The following CATSPERG variants were observed in gnomAD, a reference collection of about 807,000 sequenced individuals.
The protein encoded by CATSPERG is cation channel sperm-associated auxiliary subunit gamma.
A neutral mutation model predicts 145.0 loss-of-function variants in CATSPERG; 115 were observed. The observed-to-expected ratio is 0.79, with a 90% confidence interval of 0.68 to 0.93. The LOEUF is 0.93. CATSPERG is among the 40% of genes least tolerant of loss of function. CATSPERG has a pLI of 0.00. For missense variants in CATSPERG, 1,296 were observed against 1,490.1 expected (o/e 0.87, Z 2.14); for synonymous variants, 588 against 589.0 (o/e 1.00, Z 0.02).
At chr19:38,355,929 T>C (rs1970235276) in intron 9 of CATSPERG, among the ~76,000 whole-genome samples, 1 of 152,114 alleles carries the variant, frequency 6.6e-6, no homozygotes, top group South Asian at 2.1e-4. Context: ...ATATGTAACT[T>C]GACCTCTCTG....
At chr19:38,361,258 C>T (rs1178082584) in intron 16 of CATSPERG, among the ~76,000 whole-genome samples, 2 of 151,966 alleles carry the variant, frequency 1.3e-5, no homozygotes, top group Admixed American at 6.6e-5. Context: ...ACTGCAGGAT[C>T]GGATTTTACC....
chr19:38,369,800 C>T (rs1970514462), intron 26 of CATSPERG, among the ~76,000 whole-genome samples, 172 bp from the exon 27 acceptor site: 1 of 152,050 alleles, frequency 6.6e-6, no homozygotes, highest in South Asian at 2.1e-4. Context: ...ACCTGTGGCA[C>T]AGTAGGCGTT....
At chr19:38,364,466 C>T (rs1016441976) in intron 20 of CATSPERG, among the ~76,000 whole-genome samples, 4 of 152,102 alleles carry the variant, frequency 2.6e-5, no homozygotes, top group Admixed American at 6.5e-5. Flanking sequence ...GGGCTCCTCA[C>T]GTCCCAGACG....
At position 38,362,695 on chromosome 19, in the gene CATSPERG, C is replaced by T; in HGVS notation, c.2357-19C>T. 5 of 1,613,046 alleles carry T rather than the reference C, an allele frequency of 3.1e-6. No individual in the cohort carries two copies. The South Asian group carries it at 4.4e-5, about 14-fold the overall frequency. Reference sequence around the variant, plus strand: ...CTGTCTGTGAGGGAGGCCTTAACCCCGTTTACTGCCCGGAGCAGGCACCGC... The same window carrying T: ...CTGTCTGTGAGGGAGGCCTTAACCCTGTTTACTGCCCGGAGCAGGCACCGC... On this transcript the variant is annotated intron_variant, in intron 19 of 28. Coordinates refer to ENST00000409235, the MANE Select transcript of CATSPERG (RefSeq NM_021185.5).
At chr19:38,340,481 C>T (rs909613576) in intron 3 of CATSPERG, among the ~76,000 whole-genome samples, 7 of 150,804 alleles carry the variant, frequency 4.6e-5, no homozygotes, top group Non-Finnish European at 8.9e-5. Context: ...CCACCACGCC[C>T]GGCTAATTTT....
At chr19:38,338,643 C>T (rs191745817) in intron 3 of CATSPERG, among the ~76,000 whole-genome samples, 50 of 152,276 alleles carry the variant, frequency 3.3e-4, no homozygotes, top group African/African-American at 1.1e-3. Flanking sequence ...CTGCATCAGC[C>T]TCTTGAATAG....
chr19:38,359,707 C>T, intron 14 of CATSPERG, 126 bp downstream of exon 14: 1 of 1,418,488 alleles, frequency 7.0e-7, no homozygotes, highest in Non-Finnish European at 9.2e-7. Context: ...TGAGAAAGGG[C>T]AGTGAAGCTC....
In CATSPERG at chr19:38,344,384, A is replaced by G. The variant is rs1022282656; in HGVS notation, c.669+16A>G. 4.6e-5 allele frequency: 71 copies of G among 1,548,538 alleles called. No individual in the cohort carries two copies. The highest frequency in any genetic ancestry group is 5.9e-5 in the Non-Finnish European group (68 of 1,144,302). The stretch of plus-strand genomic sequence containing the variant: ...GGGAGAGGAGGTGAGGGAATATGGC[A>G]GGGGAAAAAGACAATGGTCTGGGCC... On this transcript the variant is annotated intron_variant, in intron 6 of 28. Transcript: ENST00000409235.
chr19:38,362,898 A>C, intron 20 of CATSPERG, 66 bp downstream of exon 20: 3 of 768,558 alleles, frequency 3.9e-6, no homozygotes, highest in Non-Finnish European at 3.9e-6. Flanking sequence ...TTTTTTTTGG[A>C]GACAGGGTCT....
At chr19:38,369,862 A>G in intron 26 of CATSPERG, 110 bp from the exon 27 acceptor site, 1 of 930,610 alleles carries the variant, frequency 1.1e-6, no homozygotes, top group Non-Finnish European at 1.8e-6. Context: ...GGAAGGCATG[A>G]GATTGCACCC....
intron 13 of CATSPERG, 38 bp downstream of exon 13, chr19:38,358,599 C>G (rs758086046): frequency 1.7e-5 from 27 of 1,613,194 alleles, no homozygotes; most frequent in Non-Finnish European, 2.2e-5. Flanking sequence ...CAGGCATACT[C>G]TGTCTCCCCA....
intron 9 of CATSPERG, 85 bp downstream of exon 9, chr19:38,354,932 A>G: frequency 6.7e-7 from 1 of 1,488,940 alleles, no homozygotes; most frequent in Non-Finnish European, 9.1e-7. Flanking sequence ...GCCCTCACTC[A>G]TTACCATGTG....
intron 14 of CATSPERG, 108 bp downstream of exon 14, chr19:38,359,689 G>A (rs1600473884): frequency 3.4e-6 from 5 of 1,459,720 alleles, no homozygotes; most frequent in East Asian, 5.2e-5. Context: ...GGGCACCCTC[G>A]GGGACCCTGA....
chr19:38,355,038 T>G (rs895867172), intron 9 of CATSPERG, among the ~76,000 whole-genome samples, 191 bp downstream of exon 9: 4 of 152,118 alleles, frequency 2.6e-5, no homozygotes, highest in Non-Finnish European at 5.9e-5. Flanking sequence ...TCTTTCATGA[T>G]GTACTTGGTT....
chr19:38,342,828 C>T (rs1335719912), intron 3 of CATSPERG, among the ~76,000 whole-genome samples: 1 of 151,994 alleles, frequency 6.6e-6, no homozygotes, highest in African/African-American at 2.4e-5. Context: ...CTCCTCTTCT[C>T]CCATCTCCAC....
Position 38,360,819 on chromosome 19 carries a change from G to A in CATSPERG, c.1856G>A (p.Ser619Asn), listed in dbSNP as rs1459315113. Residue 619 changes from serine (S) to asparagine (N), a missense_variant, in exon 16 of 29, where the codon AGC becomes AAC. Physicochemically the swap from Ser to Asn is conservative, Grantham distance 46 (BLOSUM62 1). Coordinates refer to ENST00000409235, the MANE Select transcript of CATSPERG (RefSeq NM_021185.5). ...CTTCTGATGTATCAACAGCACACCA[G>A]CCACTATGACTTGGAGCGGAAAGGG... ...EQLLMYQQHT[S>N]HYDLERKGGY... 6.2e-7 allele frequency: 1 copy of A among 1,612,106 alleles called. No homozygotes were observed. The highest frequency in any genetic ancestry group is 1.1e-5 in the South Asian group (1 of 90,752).
chr19:38,363,611 G>A (rs1970392320), intron 20 of CATSPERG, among the ~76,000 whole-genome samples: 1 of 151,688 alleles, frequency 6.6e-6, no homozygotes. Flanking sequence ...GGACCCTGGG[G>A]CCTTCCGCAG....
intron 26 of CATSPERG, 143 bp from the exon 27 acceptor site, chr19:38,369,829 G>A: frequency 1.3e-6 from 1 of 773,536 alleles, no homozygotes; most frequent in Non-Finnish European, 2.3e-6. Flanking sequence ...ATGAATGAAT[G>A]AGTGAATGAA....
intron 20 of CATSPERG, among the ~76,000 whole-genome samples, chr19:38,363,451 G>T (rs1034868868): frequency 1.3e-5 from 2 of 151,252 alleles, no homozygotes; most frequent in Non-Finnish European, 2.9e-5. Context: ...GAGGTGTGAG[G>T]CATGAACCAC....
Sources: gnomAD v4.1 joint callset for allele counts (sites outside exome capture counted in the v4.1 genomes callset) on GRCh38, gnomAD v4.1.1 for gene constraint, MANE v1.5 for transcripts, NCBI Gene and HGNC (gene_info 2026-07-23, HGNC 2026-07-21) for gene names.